The following ASIC1 variants were observed in gnomAD, a reference collection of about 807,000 sequenced individuals.
ASIC1 encodes the protein acid sensing ion channel subunit 1.
ASIC1 carries 21 observed loss-of-function variants against 63.4 expected under a neutral mutation model. The ratio of observed to expected loss-of-function variants is 0.33; its 90% CI spans 0.23 to 0.48. ASIC1 has a LOEUF of 0.48. Among genes scored for constraint, ASIC1 ranks in the 20% least tolerant of loss-of-function variants. The pLI is 0.99. For synonymous variants in ASIC1, 258 were observed against 278.2 expected, an observed-to-expected ratio of 0.93 and a Z score of 0.72; for missense variants, 478 against 695.5, an observed-to-expected ratio of 0.69 and a Z score of 3.52.
chr12:50,059,179 C>G lies in ASIC1; in HGVS notation c.362+51C>G, dbSNP rs1450682373. ...CCCTGCTCCTGGAGTTGCTTGAGTT[C>G]CAGTCAGGATGTCTGCCTCCCTGAC... On this transcript the variant is annotated intron_variant, in intron 2 of 11. Transcript: ENST00000447966. This position sits in a 1 kb window ranked among gnomAD's most constrained non-coding sequence, Gnocchi z 4.6. 1.9e-6 allele frequency: 3 copies of G among 1,589,940 alleles called. No individual in the cohort carries two copies. Among genetic ancestry groups the G allele is most frequent in the Non-Finnish European group, 1.7e-6 (2 of 1,170,156 alleles).
chr12:50,059,156 C>T lies in ASIC1; in HGVS notation c.362+28C>T. 1 of 1,606,300 alleles carries T rather than the reference C, an allele frequency of 6.2e-7. No homozygotes were observed. Among genetic ancestry groups the T allele is most frequent in the Non-Finnish European group, 8.5e-7 (1 of 1,176,668 alleles). On this transcript the variant is annotated intron_variant, in intron 2 of 11. Coordinates refer to ENST00000447966, the MANE Select transcript of ASIC1 (RefSeq NM_001095.4). The surrounding 1 kb of genome is among the most constrained non-coding windows in gnomAD (Gnocchi z 4.6). ...GGGTGGCTCCCACCCTCCCTCAGCC[C>T]TGCTCCTGGAGTTGCTTGAGTTCCA...
Position 50,059,243 on chromosome 12 carries a change from C to T in ASIC1, c.362+115C>T, listed in dbSNP as rs1473869766. ...CAGCCAACCCTGCCCTTTAACCCACCCCCACCCCCAAACCTGCCACTCACA... is the reference window on the plus strand; with the variant it reads ...CAGCCAACCCTGCCCTTTAACCCACTCCCACCCCCAAACCTGCCACTCACA... On this transcript the variant is annotated intron_variant, in intron 2 of 11. Coordinates refer to ENST00000447966, the MANE Select transcript of ASIC1 (RefSeq NM_001095.4). The surrounding 1 kb of genome is among the most constrained non-coding windows in gnomAD (Gnocchi z 4.6). 1 of 1,409,022 alleles carries T rather than the reference C, an allele frequency of 7.1e-7. No homozygotes were observed. Among genetic ancestry groups the T allele is most frequent in the African/African-American group, 1.4e-5 (1 of 70,182 alleles). 87.3% of individuals were successfully genotyped at this position (1,409,022 alleles called of 1,614,324 possible).
In ASIC1 at chr12:50,058,841, C is replaced by T. The variant is rs1331660653; in HGVS notation, c.75C>T (p.Ser25=). 6.2e-7 allele frequency: 1 copy of T among 1,613,420 alleles called. No homozygotes were observed. The highest frequency in any genetic ancestry group is 8.5e-7 in the Non-Finnish European group (1 of 1,179,510). ...PVSIQAFASS[S]TLHGLAHIFS... The stretch of plus-strand genomic sequence containing the variant: ...GCATCCAGGCCTTCGCCAGCAGCTC[C>T]ACACTGCACGGCCTGGCCCACATCT... Residue 25 remains serine, a synonymous_variant, in exon 2 of 12, where the codon TCC becomes TCT. Coordinates refer to ENST00000447966, the MANE Select transcript of ASIC1 (RefSeq NM_001095.4).
intron 11 of ASIC1, 57 bp downstream of exon 11, chr12:50,081,421 AC>A (rs1950716908): frequency 6.1e-6 from 9 of 1,486,640 alleles, no homozygotes; most frequent in Non-Finnish European, 8.2e-6. Flanking sequence ...CGCCCCAGGA[AC>A]CCCGTCCACC....
At chr12:50,064,158 G>A (rs1592267216) in intron 3 of ASIC1, among the ~76,000 whole-genome samples, 1 of 152,190 alleles carries the variant, frequency 6.6e-6, no homozygotes, top group Middle Eastern at 3.4e-3. Flanking sequence ...GGGGTTCATG[G>A]GGTTCATGAA....
At chr12:50,077,104 C>A (rs1248307424) in intron 3 of ASIC1, 109 bp from the exon 4 acceptor site, 3 of 1,551,128 alleles carry the variant, frequency 1.9e-6, no homozygotes, top group African/African-American at 1.4e-5. Context: ...ACGGGAGGAA[C>A]CATTCCCAAA....
chr12:50,078,510 C>G lies in ASIC1; in HGVS notation c.927C>G (p.Ala309=). The G allele has an allele frequency of 1.2e-6, 2 of 1,614,162 alleles. No individual in the cohort carries two copies. Among genetic ancestry groups the G allele is most frequent in the Non-Finnish European group, 1.7e-6 (2 of 1,180,006 alleles). The change falls in exon 6 of 12, where the codon GCC becomes GCG. Residue 309 remains alanine (A), a synonymous_variant. Coordinates refer to ENST00000447966, the MANE Select transcript of ASIC1 (RefSeq NM_001095.4). The surrounding 1 kb of genome is among the most constrained non-coding windows in gnomAD (Gnocchi z 6.0). The part of the protein sequence containing the change: ...LDFFDSYSIT[A]CRIDCETRYL... ...TCTTCGACTCCTACAGCATCACTGC[C>G]TGCCGCATCGACTGTGAGACGCGCT...
At chr12:50,071,715 G>A (rs1405462628) in intron 3 of ASIC1, among the ~76,000 whole-genome samples, 9 of 152,064 alleles carry the variant, frequency 5.9e-5, no homozygotes, top group Admixed American at 3.9e-4. Flanking sequence ...GTGCGATCTC[G>A]GCTCACTGCA....
intron 3 of ASIC1, chr12:50,073,853 T>G (rs777456795): frequency 2.0e-6 from 3 of 1,531,010 alleles, no homozygotes; most frequent in African/African-American, 2.7e-5. Flanking sequence ...CCAAGGCAGG[T>G]GCTGTGGGCG....
intron 3 of ASIC1, among the ~76,000 whole-genome samples, chr12:50,076,394 G>A (rs940850380): frequency 6.6e-6 from 1 of 151,902 alleles, no homozygotes; most frequent in Non-Finnish European, 1.5e-5. Context: ...TTGAGCCCAG[G>A]AGGCGGAAGT....
chr12:50,071,502 T>A (rs1950599284), intron 3 of ASIC1, among the ~76,000 whole-genome samples: 1 of 151,956 alleles, frequency 6.6e-6, no homozygotes, highest in Admixed American at 6.6e-5. Flanking sequence ...CAGGATGGTC[T>A]CGATCTCCTG....
chr12:50,077,112 A>G (rs1209857577), intron 3 of ASIC1, 101 bp from the exon 4 acceptor site: 1 of 1,578,156 alleles, frequency 6.3e-7, no homozygotes, highest in Non-Finnish European at 8.7e-7. Flanking sequence ...AACCATTCCC[A>G]AAGGGTGTTG....
At chr12:50,058,090 T>C (rs1413476006) in intron 1 of ASIC1, among the ~76,000 whole-genome samples, 174 bp downstream of exon 1, 1 of 150,778 alleles carries the variant, frequency 6.6e-6, no homozygotes, top group Non-Finnish European at 1.5e-5. Context: ...GGGGGCTGCG[T>C]CCGGGGCGGG....
Position 50,076,135 on chromosome 12 carries a change from A to G in ASIC1, c.559-1078A>G, listed in dbSNP as rs542150719. Among the ~76,000 whole-genome samples the G allele has an allele frequency of 7.9e-5, 12 of 152,256 alleles. 1 individual carries two copies. The South Asian group carries it at 2.5e-3, about 32-fold the overall frequency. ...CTGCTGATAATGGGATAATGGAATA[A>G]TGATGGACCCAAGGGGCTAGGGGCT... On this transcript the variant is annotated intron_variant, in intron 3 of 11. Transcript: ENST00000447966.
intron 3 of ASIC1, among the ~76,000 whole-genome samples, chr12:50,068,945 G>A (rs1330460866): frequency 2.0e-5 from 3 of 152,120 alleles, no homozygotes; most frequent in Non-Finnish European, 4.4e-5. Flanking sequence ...TGCAGCCAGA[G>A]TGGTCTTTTC....
chr12:50,071,908 G>A (rs1417330864), intron 3 of ASIC1, among the ~76,000 whole-genome samples: 1 of 152,188 alleles, frequency 6.6e-6, no homozygotes, highest in Non-Finnish European at 1.5e-5. Flanking sequence ...TTGAGAGGCT[G>A]TTGTTTAGGC....
At chr12:50,060,032 TC>T in intron 3 of ASIC1, 78 bp downstream of exon 3, 1 of 1,522,728 alleles carries the variant, frequency 6.6e-7, no homozygotes, top group Non-Finnish European at 8.9e-7. Flanking sequence ...GCTGGGCCTC[TC>T]CGGGTGCTTG....
At position 50,078,820 on chromosome 12, in the gene ASIC1, C is replaced by T; in HGVS notation, c.995-104C>T. 7.0e-7 allele frequency: 1 copy of T among 1,420,374 alleles called. No individual in the cohort carries two copies. The allele number at this position is 1,420,374 out of a possible 1,614,324, so 88.0% of individuals were successfully genotyped here. On this transcript the variant is annotated intron_variant, in intron 6 of 11. Transcript: ENST00000447966. This position sits in a 1 kb window ranked among gnomAD's most constrained non-coding sequence, Gnocchi z 6.0. ...CAGCATGGGGGCCTGCCAGTCCTCC[C>T]TTCCCATCTTCTCCCAGCTTACACC... is the stretch of plus-strand genomic sequence containing the variant.
Position 50,081,860 on chromosome 12 carries a change from A to G in ASIC1, c.*211A>G, listed in dbSNP as rs796334337. 1.0e-4 allele frequency: 58 copies of G among 579,060 alleles called. No individual in the cohort carries two copies. Among genetic ancestry groups the G allele is most frequent in the African/African-American group, 1.0e-3 (53 of 53,184 alleles). The allele number at this position is 579,060 out of a possible 1,614,324, so 35.9% of individuals were successfully genotyped here. A position where few individuals can be genotyped will look rare whatever the true frequency, so the allele number is the denominator to read the frequency against. ...ACATTTAACAAAACTAATCTAAAAA[A>G]GAACTAAAAAGGGAGAACGGGGCAA... On this transcript the variant is annotated 3_prime_UTR_variant, in exon 12 of 12. Transcript: ENST00000447966.
Sources: gnomAD v4.1 joint callset for allele counts (sites outside exome capture counted in the v4.1 genomes callset) on GRCh38, gnomAD v4.1.1 for gene constraint, Gnocchi (gnomAD v3.1) non-coding constraint, MANE v1.5 for transcripts, NCBI Gene and HGNC (gene_info 2026-07-23, HGNC 2026-07-21) for gene names.